Variants in GABRG1 observed in about 807,000 individuals in gnomAD.
The protein encoded by GABRG1 is gamma-aminobutyric acid type A receptor subunit gamma1.
Under a neutral mutation model 49.8 loss-of-function variants are expected in GABRG1, and 49 were observed. The observed-to-expected ratio is 0.98, with a 90% CI of 0.78 to 1.25. The LOEUF (loss-of-function observed/expected upper bound fraction) is 1.25, where lower values mean the gene tolerates loss of function less well. Ranked by LOEUF, GABRG1 falls within the 50% of genes most tolerant of loss-of-function variation. The pLI is 0.00. For missense variants in GABRG1, 552 were observed against 552.3 expected (o/e 1.00, Z 0.01); for synonymous variants, 232 against 185.1 (o/e 1.25, Z -2.06).
chr4:46,040,756 A>T lies in GABRG1; in HGVS notation c.*232T>A, dbSNP rs1052653785. The T allele has an allele frequency of 8.8e-6, 3 of 339,290 alleles. No individual in the cohort carries two copies. The highest frequency in any genetic ancestry group is 6.4e-5 in the African/African-American group (3 of 47,126). 21.0% of individuals were successfully genotyped at this position (339,290 alleles called of 1,614,324 possible). On this transcript the variant is annotated 3_prime_UTR_variant, in exon 9 of 9. Coordinates refer to ENST00000295452, the MANE Select transcript of GABRG1 (RefSeq NM_173536.4). ...AGTAAATTAAAGAAAATTTAAGTAA[A>T]AATATGTGAGTATTTTAACCTACTG... is the stretch of plus-strand genomic sequence containing the variant.
chr4:46,042,023 A>C (rs1717805716), intron 8 of GABRG1, among the ~76,000 whole-genome samples: 1 of 152,028 alleles, frequency 6.6e-6, no homozygotes, highest in African/African-American at 2.4e-5. Context: ...ATAATACTTA[A>C]ATAATTAAAA....
chr4:46,097,184 T>G lies in GABRG1; in HGVS notation c.253+17A>C. The G allele has an allele frequency of 6.3e-7, 1 of 1,589,480 alleles. No individual in the cohort carries two copies. The highest frequency in any genetic ancestry group is 8.6e-7 in the Non-Finnish European group (1 of 1,168,800). On this transcript the variant is annotated intron_variant, in intron 2 of 8. Transcript: ENST00000295452. The stretch of plus-strand genomic sequence containing the variant: ...TTTAATGGTCATCAAAATCCCAGAA[T>G]GGTAACTCAAGCTTACCTCCTATAT...
At chr4:46,091,413 C>A (rs938876045) in intron 2 of GABRG1, among the ~76,000 whole-genome samples, 1 of 151,834 alleles carries the variant, frequency 6.6e-6, no homozygotes, top group African/African-American at 2.4e-5. Context: ...TGAAATACAA[C>A]CACATAACCT....
intron 8 of GABRG1, among the ~76,000 whole-genome samples, chr4:46,050,521 C>T (rs998197646): frequency 6.6e-6 from 1 of 151,904 alleles, no homozygotes; most frequent in African/African-American, 2.4e-5. Flanking sequence ...CTATTTGATA[C>T]ATTTCTCATT....
rs1358138454 is a variant in GABRG1 at position 46,123,108 on chromosome 4, A to T, written c.104+702T>A. On this transcript the variant is annotated intron_variant, in intron 1 of 8. Coordinates refer to ENST00000295452, the MANE Select transcript of GABRG1 (RefSeq NM_173536.4). ...CTCTGTCCCATACACACAAACACAC[A>T]CACACACACACACACACACACACAC... Among the ~76,000 whole-genome samples, 3 of 125,664 alleles carry T rather than the reference A, an allele frequency of 2.4e-5. No individual in the cohort carries two copies. The East Asian group carries it at 6.3e-4, about 26-fold the overall frequency. 82.4% of individuals were successfully genotyped at this position (125,664 alleles called of 152,430 possible). A position where few individuals can be genotyped will look rare whatever the true frequency, so the allele number is the denominator to read the frequency against.
At chr4:46,046,353 C>T (rs1184448775) in intron 8 of GABRG1, among the ~76,000 whole-genome samples, 1 of 152,020 alleles carries the variant, frequency 6.6e-6, no homozygotes, top group East Asian at 1.9e-4. Context: ...AGGGAAGCAT[C>T]ATATGGCCAT....
chr4:46,115,804 T>G (rs1308728824), intron 1 of GABRG1, among the ~76,000 whole-genome samples: 1 of 150,690 alleles, frequency 6.6e-6, no homozygotes, highest in Non-Finnish European at 1.5e-5. Context: ...AGTCGGACAA[T>G]TGCCAATCAT....
intron 3 of GABRG1, among the ~76,000 whole-genome samples, chr4:46,082,560 G>A (rs996607178): frequency 6.6e-6 from 1 of 151,744 alleles, no homozygotes; most frequent in African/African-American, 2.4e-5. Flanking sequence ...GGAGGGATAT[G>A]CAATCCAGCT....
chr4:46,097,179 C>A, intron 2 of GABRG1, 22 bp downstream of exon 2: 1 of 1,585,404 alleles, frequency 6.3e-7, no homozygotes, highest in South Asian at 1.2e-5. Context: ...ATCAAAATCC[C>A]AGAATGGTAA....
chr4:46,087,172 A>T (rs1719799672), intron 2 of GABRG1, among the ~76,000 whole-genome samples: 1 of 151,348 alleles, frequency 6.6e-6, no homozygotes, highest in Non-Finnish European at 1.5e-5. Context: ...TATTTTTTTT[A>T]AAGAATTTGT....
chr4:46,035,790 A>AC lies in GABRG1; in HGVS notation c.*5197_*5198insG, dbSNP rs1283505102. On this transcript the variant is annotated 3_prime_UTR_variant, in exon 9 of 9. Coordinates refer to ENST00000295452, the MANE Select transcript of GABRG1 (RefSeq NM_173536.4). ...ACAATTTAAGAGAATGTGACTCTTT[A>AC]TTTATAACAAGTTACTGGTATTTTT... 7.2e-5 allele frequency: 11 copies of AC among 152,000 alleles called. No individual in the cohort carries two copies. The highest frequency in any genetic ancestry group is 3.9e-4 in the Admixed American group (6 of 15,232). 9.4% of individuals were successfully genotyped at this position (152,000 alleles called of 1,614,324 possible). A position where few individuals can be genotyped will look rare whatever the true frequency, so the allele number is the denominator to read the frequency against.
At chr4:46,092,702 C>T (rs1274880837) in intron 2 of GABRG1, among the ~76,000 whole-genome samples, 1 of 151,518 alleles carries the variant, frequency 6.6e-6, no homozygotes, top group Non-Finnish European at 1.5e-5. Flanking sequence ...TACATATTTC[C>T]TAAAAAAAAT....
chr4:46,068,002 G>A (rs1157849015), intron 3 of GABRG1, among the ~76,000 whole-genome samples: 1 of 152,068 alleles, frequency 6.6e-6, no homozygotes, highest in African/African-American at 2.4e-5. Context: ...CAGGCCAGAT[G>A]TTTTGTCTTT....
At chr4:46,102,942 T>A (rs1428387374) in intron 1 of GABRG1, among the ~76,000 whole-genome samples, 2 of 151,632 alleles carry the variant, frequency 1.3e-5, no homozygotes, top group African/African-American at 4.8e-5. Context: ...TAAACTATTT[T>A]TCATGCGTAA....
intron 3 of GABRG1, among the ~76,000 whole-genome samples, chr4:46,073,652 G>T (rs1159016215): frequency 6.6e-6 from 1 of 151,866 alleles, no homozygotes; most frequent in South Asian, 2.1e-4. Context: ...CTTTATTCAT[G>T]GGGATACATT....
rs991800376 is a variant in GABRG1 at position 46,038,275 on chromosome 4, C to T, written c.*2713G>A. The T allele has an allele frequency of 5.9e-5, 9 of 151,414 alleles. No individual in the cohort carries two copies. The highest frequency in any genetic ancestry group is 1.9e-4 in the African/African-American group (8 of 41,308). 9.4% of individuals were successfully genotyped at this position (151,414 alleles called of 1,614,324 possible). On this transcript the variant is annotated 3_prime_UTR_variant, in exon 9 of 9. Coordinates refer to ENST00000295452, the MANE Select transcript of GABRG1 (RefSeq NM_173536.4). ...TGAGCCTAATTTTGTCCATGGAATT[C>T]GAAGATAAATAAAATATTACCCTGT...
At chr4:46,095,234 G>A (rs906275360) in intron 2 of GABRG1, among the ~76,000 whole-genome samples, 6 of 151,738 alleles carry the variant, frequency 4.0e-5, no homozygotes, top group African/African-American at 7.2e-5. Context: ...GAAAGTCAGA[G>A]AGAATATTGT....
chr4:46,049,639 A>G (rs1328156817), intron 8 of GABRG1, among the ~76,000 whole-genome samples: 2 of 151,942 alleles, frequency 1.3e-5, no homozygotes, highest in Non-Finnish European at 2.9e-5. Flanking sequence ...AAGACTTAAC[A>G]TATGGATTAA....
At chr4:46,098,409 G>T (rs1005182848) in intron 1 of GABRG1, among the ~76,000 whole-genome samples, 5 of 151,694 alleles carry the variant, frequency 3.3e-5, no homozygotes, top group African/African-American at 1.2e-4. Flanking sequence ...GTAAAATCAA[G>T]TAAATCTGTA....
Sources: gnomAD v4.1 joint callset for allele counts (sites outside exome capture counted in the v4.1 genomes callset) on GRCh38, gnomAD v4.1.1 for gene constraint, MANE v1.5 for transcripts, NCBI Gene and HGNC (gene_info 2026-07-23, HGNC 2026-07-21) for gene names.